The following COL22A1 variants were observed in gnomAD, a reference collection of about 807,000 sequenced individuals.
COL22A1 encodes collagen alpha-1(XXII) chain.
COL22A1 carries 221 observed loss-of-function variants against 248.9 expected under a neutral mutation model. That is an observed-to-expected ratio of 0.89 (90% confidence interval 0.80 to 0.99). COL22A1 has a LOEUF of 0.99. COL22A1 is among the 50% of genes least tolerant of loss of function. The pLI is 0.00. For synonymous variants in COL22A1, 891 were observed against 793.4 expected, an observed-to-expected ratio of 1.12 and a Z score of -2.07; for missense variants, 2,240 against 2,179.0, an observed-to-expected ratio of 1.03 and a Z score of -0.56.
intron 1 of COL22A1, among the ~76,000 whole-genome samples, chr8:138,903,789 A>T (rs1369152361): frequency 6.6e-6 from 1 of 152,162 alleles, no homozygotes; most frequent in Non-Finnish European, 1.5e-5. Context: ...CTTGGGCCCC[A>T]CATCCCCCTG....
chr8:138,861,841 GC>G (rs1025258233), intron 3 of COL22A1, among the ~76,000 whole-genome samples: 7 of 152,104 alleles, frequency 4.6e-5, no homozygotes, highest in African/African-American at 1.7e-4. Context: ...AATTCATCAA[GC>G]CGTACAGTTA....
chr8:138,876,787 C>T (rs1367326684), intron 3 of COL22A1, among the ~76,000 whole-genome samples: 4 of 152,194 alleles, frequency 2.6e-5, no homozygotes, highest in African/African-American at 7.2e-5. Context: ...TAACCTATGG[C>T]TTCCCAGCCA....
At chr8:138,798,784 T>C (rs545909248) in intron 11 of COL22A1, among the ~76,000 whole-genome samples, 1 of 152,342 alleles carries the variant, frequency 6.6e-6, no homozygotes, top group East Asian at 1.9e-4. Flanking sequence ...TCTTTGGTTT[T>C]TGGCATTTTT....
rs533451620 is a variant in COL22A1, at chr8:138,606,956, C to A, written c.4033-504G>T. Reference sequence around the variant, plus strand: ...GTCCAGCCTCTTGACCCAATCCCACCTCCTCTGTTCTGTCTCACAAGCAGC... The same window carrying A: ...GTCCAGCCTCTTGACCCAATCCCACATCCTCTGTTCTGTCTCACAAGCAGC... On this transcript the variant is annotated intron_variant, in intron 57 of 64. Transcript: ENST00000303045. Among the ~76,000 whole-genome samples the A allele has an allele frequency of 1.0e-3, 153 of 152,250 alleles. 1 individual carries two copies. Among genetic ancestry groups the A allele is most frequent in the African/African-American group, 3.6e-3 (148 of 41,552 alleles).
Position 138,688,980 on chromosome 8 carries a change from G to A in COL22A1, c.2809-10C>T. ...TGAGGCCGGGAGCACCCTGTGGCAA[G>A]GAAGATTACGGACATGGTGAATTTA... On this transcript the variant is annotated splice_polypyrimidine_tract_variant and intron_variant, in intron 36 of 64. Transcript: ENST00000303045. The A allele has an allele frequency of 6.2e-7, 1 of 1,609,498 alleles. No homozygotes were observed.
At chr8:138,770,293 T>C (rs1306029072) in intron 16 of COL22A1, among the ~76,000 whole-genome samples, 2 of 152,174 alleles carry the variant, frequency 1.3e-5, no homozygotes, top group Non-Finnish European at 2.9e-5. Flanking sequence ...CTTGGCCCTT[T>C]TTGTGTGTAG....
intron 17 of COL22A1, 103 bp downstream of exon 17, chr8:138,762,310 A>T: frequency 8.9e-7 from 1 of 1,127,308 alleles, no homozygotes; most frequent in Non-Finnish European, 1.3e-6. Flanking sequence ...AGCAAGGAGG[A>T]GGCCCAGGTG....
At chr8:138,601,051 G>A (rs78437833) in intron 60 of COL22A1, among the ~76,000 whole-genome samples, 313 of 152,230 alleles carry the variant, frequency 2.1e-3, no homozygotes, top group African/African-American at 5.7e-3. Flanking sequence ...CAAGCTCTCC[G>A]CCTATTGATT....
intron 5 of COL22A1, among the ~76,000 whole-genome samples, chr8:138,830,901 C>A (rs533977773): frequency 1.3e-5 from 2 of 151,788 alleles, no homozygotes; most frequent in African/African-American, 2.4e-5. Context: ...GTGCACCCCC[C>A]ACATGAGCAT....
chr8:138,763,603 G>T (rs537451201), intron 16 of COL22A1, among the ~76,000 whole-genome samples: 1 of 152,186 alleles, frequency 6.6e-6, no homozygotes, highest in African/African-American at 2.4e-5. Context: ...AGAACTCCGT[G>T]GGGCAGACAC....
chr8:138,654,274 G>T (rs1464168956), intron 45 of COL22A1, among the ~76,000 whole-genome samples: 1 of 152,048 alleles, frequency 6.6e-6, no homozygotes, highest in Non-Finnish European at 1.5e-5. Context: ...ATAAACAGAA[G>T]ATTGAATCAA....
chr8:138,658,882 C>A (rs1310639812), intron 44 of COL22A1, among the ~76,000 whole-genome samples: 1 of 152,026 alleles, frequency 6.6e-6, no homozygotes, highest in Non-Finnish European at 1.5e-5. Flanking sequence ...TCTCTTCTCT[C>A]TTCTCTCTCT....
intron 22 of COL22A1, 66 bp downstream of exon 22, chr8:138,751,392 G>T: frequency 2.7e-6 from 3 of 1,100,358 alleles, no homozygotes; most frequent in South Asian, 1.4e-5. Flanking sequence ...TTCTCTGCAT[G>T]GCATTATAAA....
intron 31 of COL22A1, among the ~76,000 whole-genome samples, chr8:138,700,968 G>A (rs1430029927): frequency 5.2e-5 from 6 of 115,254 alleles, no homozygotes; most frequent in South Asian, 3.0e-4. Context: ...CAGCCTGGGC[G>A]ACACAGCGAG....
At chr8:138,768,397 T>C (rs1834080067) in intron 16 of COL22A1, among the ~76,000 whole-genome samples, 1 of 151,958 alleles carries the variant, frequency 6.6e-6, no homozygotes, top group South Asian at 2.1e-4. Context: ...CACCTTCCAT[T>C]CTCCTCTCCG....
chr8:138,833,156 C>A lies in COL22A1; in HGVS notation c.734-6G>T, dbSNP rs769090290. The A allele has an allele frequency of 6.3e-7, 1 of 1,586,890 alleles. No homozygotes were observed. Among genetic ancestry groups the A allele is most frequent in the Non-Finnish European group, 8.7e-7 (1 of 1,155,060 alleles). On this transcript the variant is annotated splice_polypyrimidine_tract_variant and splice_region_variant and intron_variant, in intron 4 of 64. Transcript: ENST00000303045. ...CAAATCCATCAGGTCAAAACCTGTA[C>A]AAAGAGAAGAGCTGGGAGTGAGTTT...
chr8:138,815,172 C>T (rs1818577049), intron 7 of COL22A1, among the ~76,000 whole-genome samples: 1 of 152,186 alleles, frequency 6.6e-6, no homozygotes, highest in African/African-American at 2.4e-5. Context: ...TCAATTAAAC[C>T]TCTTGCCTTT....
At chr8:138,662,224 C>T (rs1824028214) in intron 42 of COL22A1, 141 bp from the exon 43 acceptor site, 1 of 660,788 alleles carries the variant, frequency 1.5e-6, no homozygotes, top group South Asian at 1.9e-5. Flanking sequence ...TGCCAAAGCA[C>T]CCTGCTCAGA....
At position 138,685,208 on chromosome 8, in the gene COL22A1, C is replaced by A; in HGVS notation, c.2967G>T (p.Pro989=). The change falls in exon 38 of 65, where the codon CCG becomes CCT. Residue 989 remains proline, a splice_region_variant and synonymous_variant. Coordinates refer to ENST00000303045, the MANE Select transcript of COL22A1 (RefSeq NM_152888.3). Reference sequence around the variant, plus strand: ...CTGGGACCCCCGACCTTCCACTTACCGGCTCTCCATCCTTCCCTTTTCCGG... The same window carrying A: ...CTGGGACCCCCGACCTTCCACTTACAGGCTCTCCATCCTTCCCTTTTCCGG... ...GPPGKGKDGE[P]GLRGSPGLPG... 1.2e-6 allele frequency: 2 copies of A among 1,605,144 alleles called. No homozygotes were observed.
Sources: allele counts gnomAD v4.1 joint callset (sites outside exome capture counted in the v4.1 genomes callset), GRCh38; gene constraint gnomAD v4.1.1; transcripts MANE v1.5; gene names NCBI Gene and HGNC (gene_info 2026-07-23, HGNC 2026-07-21).